FSIP1: variants seen among roughly 807,000 people sequenced by gnomAD.
FSIP1 encodes fibrous sheath-interacting protein 1.
In FSIP1, 65 loss-of-function variants were observed where a neutral mutation model predicts 60.9. The ratio of observed to expected loss-of-function variants is 1.07; its 90% CI spans 0.87 to 1.31. The LOEUF (loss-of-function observed/expected upper bound fraction) is 1.31, where lower values mean the gene tolerates loss of function less well. Ranked by LOEUF, FSIP1 falls within the 40% of genes most tolerant of loss-of-function variation. The probability of loss-of-function intolerance (pLI) is 0.00; values close to 1 mark genes in which losing one functional copy is unlikely to be tolerated. For synonymous variants in FSIP1, 209 were observed against 221.2 expected (o/e 0.94, Z 0.49); for missense variants, 675 against 665.5 (o/e 1.01, Z -0.16).
At chr15:39,743,762 G>A (rs774308828) in intron 5 of FSIP1, among the ~76,000 whole-genome samples, 7 of 152,138 alleles carry the variant, frequency 4.6e-5, no homozygotes, top group African/African-American at 7.2e-5. Flanking sequence ...GACAATCACC[G>A]TCATGCACTT....
chr15:39,647,580 T>C (rs975377736), intron 10 of FSIP1, among the ~76,000 whole-genome samples: 37 of 152,150 alleles, frequency 2.4e-4, no homozygotes, highest in African/African-American at 8.7e-4. Flanking sequence ...TTCCACATCT[T>C]TTCTACCCCA....
intron 10 of FSIP1, among the ~76,000 whole-genome samples, chr15:39,653,192 A>AAAC: frequency 6.7e-6 from 1 of 149,892 alleles, no homozygotes. Flanking sequence ...AAAAAAAAAA[A>AAAC]CCCAAAAACG....
intron 10 of FSIP1, among the ~76,000 whole-genome samples, chr15:39,621,318 T>C (rs926191484): frequency 6.6e-6 from 1 of 152,224 alleles, no homozygotes; most frequent in African/African-American, 2.4e-5. Flanking sequence ...GGCTTCATGG[T>C]AAATTGCTTC....
At chr15:39,725,495 A>G (rs1896154173) in intron 9 of FSIP1, among the ~76,000 whole-genome samples, 1 of 152,234 alleles carries the variant, frequency 6.6e-6, no homozygotes, top group South Asian at 2.1e-4. Context: ...CTAGATCCCC[A>G]GCCTTCAAGT....
chr15:39,707,454 T>C (rs1895322326), intron 10 of FSIP1, among the ~76,000 whole-genome samples: 2 of 152,086 alleles, frequency 1.3e-5, no homozygotes, highest in African/African-American at 4.8e-5. Context: ...TCATCCTGCC[T>C]TTCTTGGCCC....
chr15:39,610,282 A>T (rs1890978143), intron 11 of FSIP1, among the ~76,000 whole-genome samples: 1 of 152,250 alleles, frequency 6.6e-6, no homozygotes, highest in African/African-American at 2.4e-5. Flanking sequence ...AAAGTTTCCA[A>T]AATTTGTGGA....
At chr15:39,714,972 CA>C (rs34491210) in intron 9 of FSIP1, among the ~76,000 whole-genome samples, 11,515 of 89,316 alleles carry the variant, frequency 0.13, 441 homozygotes, top group African/African-American at 0.19. Flanking sequence ...GACTCTGTCT[CA>C]AAAAAAAAAA....
intron 2 of FSIP1, 36 bp downstream of exon 2, chr15:39,776,363 G>A: frequency 1.3e-6 from 2 of 1,597,162 alleles, no homozygotes; most frequent in Non-Finnish European, 1.7e-6. Context: ...GAGAGGTTGG[G>A]GAAAGGAGTT....
At chr15:39,749,757 G>A (rs1897110494) in intron 5 of FSIP1, among the ~76,000 whole-genome samples, 1 of 151,882 alleles carries the variant, frequency 6.6e-6, no homozygotes, top group Non-Finnish European at 1.5e-5. Context: ...GTACAAGGTA[G>A]GGATGCCCAC....
chr15:39,654,158 A>AT (rs529003030), intron 10 of FSIP1, among the ~76,000 whole-genome samples: 140 of 152,312 alleles, frequency 9.2e-4, no homozygotes, highest in Non-Finnish European at 1.4e-3. Context: ...CAGTTAATTT[A>AT]TTTTTTTAAT....
At chr15:39,780,244 C>A (rs549310503) in intron 1 of FSIP1, among the ~76,000 whole-genome samples, 1 of 152,204 alleles carries the variant, frequency 6.6e-6, no homozygotes, top group South Asian at 2.1e-4. Flanking sequence ...TCAATTTTGG[C>A]CAGGCGCGGT....
At chr15:39,654,693 A>G (rs141733088) in intron 10 of FSIP1, among the ~76,000 whole-genome samples, 132 of 152,326 alleles carry the variant, frequency 8.7e-4, no homozygotes, top group African/African-American at 3.0e-3. Flanking sequence ...TTGCAGGACT[A>G]CTGGCTGGCT....
chr15:39,724,454 G>A (rs147550351), intron 9 of FSIP1, among the ~76,000 whole-genome samples: 3,690 of 151,862 alleles, frequency 0.024, 122 homozygotes, highest in African/African-American at 0.079. Flanking sequence ...GGGTTGCACC[G>A]TGTTAGCCAA....
At chr15:39,635,040 A>G (rs1595556385) in intron 10 of FSIP1, among the ~76,000 whole-genome samples, 1 of 102,982 alleles carries the variant, frequency 9.7e-6, no homozygotes, top group South Asian at 3.1e-4. Context: ...TGCCTTTAGT[A>G]AAAAAAGCAT....
intron 10 of FSIP1, among the ~76,000 whole-genome samples, chr15:39,631,096 C>T (rs1891865718): frequency 6.6e-6 from 1 of 152,214 alleles, no homozygotes; most frequent in African/African-American, 2.4e-5. Flanking sequence ...GTTCCCATAC[C>T]TAGCACAGAG....
intron 10 of FSIP1, among the ~76,000 whole-genome samples, chr15:39,632,867 T>C (rs1891959596): frequency 6.6e-6 from 1 of 152,268 alleles, no homozygotes; most frequent in Admixed American, 6.5e-5. Flanking sequence ...TTAATCTAAT[T>C]TCAAATTAAT....
chr15:39,708,387 C>CA (rs1267057535), intron 10 of FSIP1, among the ~76,000 whole-genome samples: 1 of 152,216 alleles, frequency 6.6e-6, no homozygotes, highest in African/African-American at 2.4e-5. Flanking sequence ...TACTTAGTCC[C>CA]AGACAGACCA....
chr15:39,658,719 G>T (rs1279282528), intron 10 of FSIP1, among the ~76,000 whole-genome samples: 1 of 152,156 alleles, frequency 6.6e-6, no homozygotes, highest in African/African-American at 2.4e-5. Flanking sequence ...ATATTTGACT[G>T]CTTCCTATTT....
intron 10 of FSIP1, among the ~76,000 whole-genome samples, chr15:39,665,597 G>A (rs1893465847): frequency 1.3e-5 from 2 of 152,122 alleles, no homozygotes; most frequent in African/African-American, 4.8e-5. Flanking sequence ...CAGTGGCAAA[G>A]TCAATTAACT....
Sources: gnomAD v4.1 joint callset for allele counts (sites outside exome capture counted in the v4.1 genomes callset) on GRCh38, gnomAD v4.1.1 for gene constraint, MANE v1.5 for transcripts, NCBI Gene and HGNC (gene_info 2026-07-23, HGNC 2026-07-21) for gene names.